Variants in ADK observed in about 807,000 individuals in gnomAD.
The protein encoded by ADK is N6,N6-dimethyladenosine kinase.
In ADK, 24 loss-of-function variants were observed where a neutral mutation model predicts 44.7. The observed-to-expected ratio is 0.54, with a 90% CI of 0.39 to 0.76. The LOEUF is 0.76. ADK is among the 30% of genes least tolerant of loss of function. The pLI is 0.00. For synonymous variants in ADK, 128 were observed against 142.6 expected, an observed-to-expected ratio of 0.90 and a Z score of 0.73; for missense variants, 321 against 425.1, an observed-to-expected ratio of 0.76 and a Z score of 2.15.
In ADK at chr10:74,448,108, G is replaced by A. The variant is rs183952770; in HGVS notation, c.555+49529G>A. Among the ~76,000 whole-genome samples, 520 of 152,238 alleles carry A rather than the reference G, an allele frequency of 3.4e-3. 6 individuals are homozygous for A. Among genetic ancestry groups the A allele is most frequent in the African/African-American group, 0.012 (485 of 41,530 alleles). ...GAATTGCTTGAACCCTGGAGGCAGA[G>A]GCTGCAGTGAGTCGAGATCACGCCA... On this transcript the variant is annotated intron_variant, in intron 6 of 10. Transcript: ENST00000539909.
intron 1 of ADK, among the ~76,000 whole-genome samples, chr10:74,188,444 G>T (rs56392621): frequency 0.01 from 1,546 of 149,274 alleles, 16 homozygotes; most frequent in Non-Finnish European, 0.018. Context: ...CGCCTCCCGG[G>T]TTCACACCAT....
chr10:74,383,323 A>AT (rs996266318), intron 4 of ADK, among the ~76,000 whole-genome samples: 1 of 152,102 alleles, frequency 6.6e-6, no homozygotes, highest in African/African-American at 2.4e-5. Flanking sequence ...GATTATAAGC[A>AT]TTTTGATTCT....
chr10:74,258,872 A>G (rs1472841538), intron 3 of ADK, among the ~76,000 whole-genome samples: 1 of 151,678 alleles, frequency 6.6e-6, no homozygotes, highest in Non-Finnish European at 1.5e-5. Context: ...TTTCTGTAAC[A>G]TGATTGTTTA....
chr10:74,681,501 A>G (rs1463705132), intron 10 of ADK, among the ~76,000 whole-genome samples: 1 of 152,234 alleles, frequency 6.6e-6, no homozygotes, highest in Non-Finnish European at 1.5e-5. Flanking sequence ...AAGAAGCCAG[A>G]TTACTGAATT....
chr10:74,328,108 C>T (rs1178766366), intron 4 of ADK, among the ~76,000 whole-genome samples: 7 of 152,174 alleles, frequency 4.6e-5, no homozygotes, highest in African/African-American at 1.4e-4. Context: ...GGGGTTTCAC[C>T]ATGTTGCCCA....
At chr10:74,586,299 G>A (rs145875547) in intron 7 of ADK, among the ~76,000 whole-genome samples, 3 of 152,268 alleles carry the variant, frequency 2.0e-5, no homozygotes, top group African/African-American at 7.2e-5. Flanking sequence ...TTAAGCCACA[G>A]AACAACAAGC....
intron 2 of ADK, among the ~76,000 whole-genome samples, chr10:74,204,319 C>T (rs1843511211): frequency 6.6e-6 from 1 of 152,028 alleles, no homozygotes; most frequent in Non-Finnish European, 1.5e-5. Flanking sequence ...TCTTATACTT[C>T]TTTGGTTAAA....
chr10:74,259,285 A>G (rs1845950132), intron 3 of ADK, among the ~76,000 whole-genome samples: 1 of 151,320 alleles, frequency 6.6e-6, no homozygotes, highest in African/African-American at 2.4e-5. Context: ...ACATGTAAGC[A>G]TGTGCACAAA....
intron 4 of ADK, among the ~76,000 whole-genome samples, chr10:74,373,089 T>C (rs1303519583): frequency 6.6e-6 from 1 of 151,408 alleles, no homozygotes; most frequent in Non-Finnish European, 1.5e-5. Flanking sequence ...GTCTTTTCAA[T>C]GAAGGGTACT....
intron 7 of ADK, among the ~76,000 whole-genome samples, chr10:74,586,321 A>G (rs1013054371): frequency 6.6e-6 from 1 of 152,184 alleles, no homozygotes; most frequent in Non-Finnish European, 1.5e-5. Flanking sequence ...TAGCTTTTCT[A>G]GTGATAGGGC....
intron 9 of ADK, among the ~76,000 whole-genome samples, chr10:74,608,641 A>G (rs1852428144): frequency 6.6e-6 from 1 of 152,054 alleles, no homozygotes; most frequent in South Asian, 2.1e-4. Flanking sequence ...TGCCAGCTGG[A>G]GCTCTCCTGT....
At chr10:74,695,324 A>T (rs1856137081) in intron 10 of ADK, among the ~76,000 whole-genome samples, 1 of 152,162 alleles carries the variant, frequency 6.6e-6, no homozygotes, top group Admixed American at 6.6e-5. Context: ...TTCTTCTCCA[A>T]TAACCCAGCA....
chr10:74,606,893 G>A (rs1343761156), intron 9 of ADK, among the ~76,000 whole-genome samples: 1 of 152,154 alleles, frequency 6.6e-6, no homozygotes, highest in East Asian at 1.9e-4. Flanking sequence ...CTAAGAACTT[G>A]CTTTATGAAT....
intron 3 of ADK, among the ~76,000 whole-genome samples, chr10:74,303,013 A>G (rs111792129): frequency 2.6e-5 from 4 of 152,348 alleles, no homozygotes; most frequent in Non-Finnish European, 5.9e-5. Flanking sequence ...ATTGTTATGA[A>G]ACATACTTTT....
intron 7 of ADK, among the ~76,000 whole-genome samples, chr10:74,568,992 G>T (rs540178092): frequency 7.2e-6 from 1 of 138,356 alleles, no homozygotes; most frequent in Non-Finnish European, 1.5e-5. Context: ...TGTTCTCATT[G>T]TTCAATTCCC....
chr10:74,448,805 T>C (rs756067894), intron 6 of ADK, among the ~76,000 whole-genome samples: 11 of 152,116 alleles, frequency 7.2e-5, no homozygotes, highest in Non-Finnish European at 1.5e-4. Flanking sequence ...ATACATGTTA[T>C]TTACACACAT....
chr10:74,321,935 C>G (rs1360157441), intron 4 of ADK, among the ~76,000 whole-genome samples: 1 of 151,960 alleles, frequency 6.6e-6, no homozygotes, highest in African/African-American at 2.4e-5. Context: ...ACATTGAACT[C>G]AAAATTGTAA....
intron 6 of ADK, among the ~76,000 whole-genome samples, chr10:74,522,379 G>A (rs75346626): frequency 9.9e-4 from 150 of 152,266 alleles, no homozygotes; most frequent in African/African-American, 3.1e-3. Flanking sequence ...CTTTCACACA[G>A]AAAGGTGGGA....
rs111343766 is a variant in ADK, at chr10:74,155,755, G to C, written c.65+4412G>C. On this transcript the variant is annotated intron_variant, in intron 1 of 10. Transcript: ENST00000539909. Reference sequence around the variant, plus strand: ...GAGACGTGTTAGCCGGGATGGTCTTGATCGCCTGACCTCGTGATCCACCCG... The same window carrying C: ...GAGACGTGTTAGCCGGGATGGTCTTCATCGCCTGACCTCGTGATCCACCCG... Among the ~76,000 whole-genome samples the C allele has an allele frequency of 6.6e-5, 10 of 152,010 alleles. No individual in the cohort carries two copies. In the South Asian group the frequency reaches 1.9e-3, roughly 28 times the overall value.
Sources: allele counts gnomAD v4.1 joint callset (sites outside exome capture counted in the v4.1 genomes callset), GRCh38; gene constraint gnomAD v4.1.1; transcripts MANE v1.5; gene names NCBI Gene and HGNC (gene_info 2026-07-23, HGNC 2026-07-21).